RPS4X: variants seen among roughly 807,000 people sequenced by gnomAD.
RPS4X encodes the protein small ribosomal subunit protein eS4, X isoform.
For missense variants in RPS4X, 90 were observed against 219.1 expected, an observed-to-expected ratio of 0.41 and a Z score of 3.72; for synonymous variants, 76 against 76.8, an observed-to-expected ratio of 0.99 and a Z score of 0.06.
intron 3 of RPS4X, 23 bp downstream of exon 3, chrX:72,275,521 C>A (rs759628126): frequency 1.8e-6 from 2 of 1,088,208 alleles, no homozygotes; most frequent in Non-Finnish European, 2.4e-6. Context: ...ATATGCGTCT[C>A]CAGAGTATTT....
At chrX:72,275,774 A>G in intron 2 of RPS4X, 50 bp from the exon 3 acceptor site, 2 of 1,026,535 alleles carry the variant, frequency 1.9e-6, no homozygotes, top group South Asian at 2.1e-5. Context: ...AAAGCACTCA[A>G]ACCTACCTCC....
chrX:72,275,734 T>C lies in RPS4X; in HGVS notation c.82-10A>G, dbSNP rs749918265. The C allele has an allele frequency of 8.6e-7, 1 of 1,168,981 alleles. No individual in the cohort carries two copies. The highest frequency in any genetic ancestry group is 1.8e-5 in the African/African-American group (1 of 55,705). On this transcript the variant is annotated splice_polypyrimidine_tract_variant and intron_variant, in intron 2 of 6. Transcript: ENST00000316084. Reference sequence around the variant, plus strand: ...TGGATGGACGAGGAGCCTGTAACGTTAAAAATGATAATCACTGTTGGGATT... The same window carrying C: ...TGGATGGACGAGGAGCCTGTAACGTCAAAAATGATAATCACTGTTGGGATT...
intron 4 of RPS4X, 61 bp downstream of exon 4, chrX:72,274,992 G>T: frequency 1.4e-6 from 1 of 737,300 alleles, no homozygotes; most frequent in Non-Finnish European, 2.1e-6. Flanking sequence ...CGTACTCAAT[G>T]CAGGCCCTTA....
intron 4 of RPS4X, chrX:72,274,277 G>A: frequency 8.7e-6 from 3 of 346,409 alleles, no homozygotes; most frequent in African/African-American, 2.6e-5. Flanking sequence ...TCACGACTGA[G>A]TTTTGTCTCA....
At position 72,273,697 on chromosome X, in the gene RPS4X, G is replaced by A; in HGVS notation, c.532+104C>T. Reference sequence around the variant, plus strand: ...GTGCCTCTGGCTATAAACACACCTGGGCGATTGGAGCAGATGGTTTTTAAT... The same window carrying A: ...GTGCCTCTGGCTATAAACACACCTGAGCGATTGGAGCAGATGGTTTTTAAT... On this transcript the variant is annotated intron_variant, in intron 5 of 6. Coordinates refer to ENST00000316084, the MANE Select transcript of RPS4X (RefSeq NM_001007.5). 4.5e-6 allele frequency: 3 copies of A among 660,849 alleles called. No individual in the cohort carries two copies. In the Admixed American group the frequency reaches 1.0e-4, roughly 23 times the overall value. 54.5% of individuals were successfully genotyped at this position (660,849 alleles called of 1,213,427 possible).
At chrX:72,275,748 ACT>A in intron 2 of RPS4X, 24 bp from the exon 3 acceptor site, 1 of 1,150,827 alleles carries the variant, frequency 8.7e-7, no homozygotes, top group African/African-American at 1.8e-5. Context: ...AATGATAATC[ACT>A]GTTGGGATTC....
At position 72,273,949 on chromosome X, in the gene RPS4X, C is replaced by T; in HGVS notation, c.384G>A (p.Lys128=). ...GGATTCCTTTTGTGCCCACAAAGAT[C>T]TTTCTCACTTTGCACAACTTGTACT... ...EAKYKLCKVR[K]IFVGTKGIPH... is the part of the protein sequence containing the mutation. Residue 128 remains lysine (K), a synonymous_variant, in exon 5 of 7, where the codon AAG becomes AAA. Transcript: ENST00000316084. 3 of 1,210,582 alleles carry T rather than the reference C, an allele frequency of 2.5e-6. No individual in the cohort carries two copies. Among genetic ancestry groups the T allele is most frequent in the Non-Finnish European group, 3.4e-6 (3 of 894,774 alleles).
rs2043185126 is a variant in RPS4X, at chrX:72,272,585, C to A, written c.*86G>T. On this transcript the variant is annotated 3_prime_UTR_variant, in exon 7 of 7. Coordinates refer to ENST00000316084, the MANE Select transcript of RPS4X (RefSeq NM_001007.5). ...CAGGAAACTGAATTAAAAAAAAAAA[C>A]AACCCACAAAACCAAAATGCTATTA... 6 of 558,893 alleles carry A rather than the reference C, an allele frequency of 1.1e-5. No homozygotes were observed. The highest frequency in any genetic ancestry group is 2.4e-5 in the African/African-American group (1 of 41,464). The allele number at this position is 558,893 out of a possible 1,213,427, so 46.1% of individuals were successfully genotyped here. A position where few individuals can be genotyped will look rare whatever the true frequency, so the allele number is the denominator to read the frequency against.
chrX:72,275,734 T>G lies in RPS4X; in HGVS notation c.82-10A>C, dbSNP rs749918265. The G allele has an allele frequency of 2.6e-6, 3 of 1,170,992 alleles. No individual in the cohort carries two copies. The African/African-American group carries it at 5.3e-5, about 21-fold the overall frequency. ...TGGATGGACGAGGAGCCTGTAACGT[T>G]AAAAATGATAATCACTGTTGGGATT... On this transcript the variant is annotated splice_polypyrimidine_tract_variant and intron_variant, in intron 2 of 6. Transcript: ENST00000316084.
rs1602468522 is a variant in RPS4X, at chrX:72,272,792, G to A, written c.691-20C>T. The A allele has an allele frequency of 1.8e-6, 2 of 1,102,563 alleles. No individual in the cohort carries two copies. The highest frequency in any genetic ancestry group is 2.2e-5 in the Admixed American group (1 of 45,121). 90.9% of individuals were successfully genotyped at this position (1,102,563 alleles called of 1,213,427 possible). On this transcript the variant is annotated intron_variant, in intron 6 of 6. Transcript: ENST00000316084. ...GTTGCCCTGGAAGAGAAAACAAGCA[G>A]AATCAAAACCCACCACACACCAACT...
At chrX:72,276,061 CAAG>C (rs747817949) in intron 2 of RPS4X, 93 bp downstream of exon 2, 2 of 679,828 alleles carry the variant, frequency 2.9e-6, no homozygotes, top group South Asian at 4.8e-5. Context: ...CAGAGGAAGC[CAAG>C]AATAGATATT....
At chrX:72,275,967 T>C (rs1047536829) in intron 2 of RPS4X, among the ~76,000 whole-genome samples, 190 bp downstream of exon 2, 2 of 111,707 alleles carry the variant, frequency 1.8e-5, no homozygotes, top group African/African-American at 6.5e-5. Context: ...AAATGTACTA[T>C]GTGGTATGTG....
At chrX:72,276,430 T>A (rs1265047472) in intron 1 of RPS4X, among the ~76,000 whole-genome samples, 196 bp from the exon 2 acceptor site, 1 of 112,556 alleles carries the variant, frequency 8.9e-6, no homozygotes, top group African/African-American at 3.2e-5. Context: ...ACAAGCCTTC[T>A]TATTGTAACA....
At chrX:72,275,448 GAC>G (rs1306786196) in intron 3 of RPS4X, 94 bp downstream of exon 3, 2 of 690,976 alleles carry the variant, frequency 2.9e-6, no homozygotes, top group African/African-American at 4.4e-5. Flanking sequence ...TCTGAGACTT[GAC>G]AGATTACAAA....
intron 4 of RPS4X, 24 bp from the exon 5 acceptor site, chrX:72,273,996 A>G: frequency 8.4e-7 from 1 of 1,188,595 alleles, no homozygotes; most frequent in South Asian, 1.8e-5. Flanking sequence ...AGGGTTAGCC[A>G]CATTCAATCC....
intron 4 of RPS4X, chrX:72,274,229 C>T: frequency 2.6e-6 from 1 of 385,509 alleles, no homozygotes; most frequent in South Asian, 3.5e-5. Flanking sequence ...GGGAATTCTT[C>T]CCTTCAACTC....
At chrX:72,277,068 G>T in intron 1 of RPS4X, 125 bp downstream of exon 1, 1 of 831,953 alleles carries the variant, frequency 1.2e-6, no homozygotes, top group Non-Finnish European at 1.7e-6. Context: ...GGCCTACCAC[G>T]GAGGCCGTGA....
rs1383264759 is a variant in RPS4X, at chrX:72,275,718, G to A, written c.88C>T (p.Arg30Cys). The change falls in exon 3 of 7, where the codon CGT becomes TGT. Residue 30 changes from arginine to cysteine, a missense_variant. Coordinates refer to ENST00000316084, the MANE Select transcript of RPS4X (RefSeq NM_001007.5). ...LDKLTGVFAP[R>C]PSTGPHKLRE... Reference sequence around the variant, plus strand: ...AACTTGTGGGGACCGGTGGATGGACGAGGAGCCTGTAACGTTAAAAATGAT... The same window carrying A: ...AACTTGTGGGGACCGGTGGATGGACAAGGAGCCTGTAACGTTAAAAATGAT... 1 of 1,194,166 alleles carries A rather than the reference G, an allele frequency of 8.4e-7. No homozygotes were observed. The highest frequency in any genetic ancestry group is 2.3e-5 in the Admixed American group (1 of 44,163).
chrX:72,277,204 T>C lies in RPS4X; in HGVS notation c.-9A>G, dbSNP rs763941222. ...ACTAAACGGCTTACCATGGCTGCGT[T>C]AGGCAAGGAAAGAGGACCTCCGTCT... On this transcript the variant is annotated 5_prime_UTR_variant, in exon 1 of 7. Coordinates refer to ENST00000316084, the MANE Select transcript of RPS4X (RefSeq NM_001007.5). The C allele has an allele frequency of 8.3e-7, 1 of 1,209,424 alleles. No individual in the cohort carries two copies. The highest frequency in any genetic ancestry group is 1.7e-5 in the African/African-American group (1 of 57,454).
Sources: gnomAD v4.1 joint callset for allele counts (sites outside exome capture counted in the v4.1 genomes callset) on GRCh38, gnomAD v4.1.1 for gene constraint, MANE v1.5 for transcripts, NCBI Gene and HGNC (gene_info 2026-07-23, HGNC 2026-07-21) for gene names.